The following SPATA20 variants were observed in gnomAD, a reference collection of about 807,000 sequenced individuals.
SPATA20 encodes the protein spermatogenesis-associated protein 20.
A neutral mutation model predicts 98.9 loss-of-function variants in SPATA20; 74 were observed. The ratio of observed to expected loss-of-function variants is 0.75; its 90% CI spans 0.62 to 0.91. The LOEUF (loss-of-function observed/expected upper bound fraction) is 0.91, where lower values mean the gene tolerates loss of function less well. Ranked by LOEUF, SPATA20 falls within the 40% of genes least tolerant of loss-of-function variation. SPATA20 has a pLI of 0.00. For missense variants in SPATA20, 1,016 were observed against 1,069.8 expected (o/e 0.95, Z 0.70); for synonymous variants, 430 against 440.5 (o/e 0.98, Z 0.30).
In SPATA20 at chr17:50,552,063, G is replaced by A. The variant is rs1334948399; in HGVS notation, c.1840G>A (p.Glu614Lys). 4.3e-6 allele frequency: 7 copies of A among 1,613,726 alleles called. No homozygotes were observed. The African/African-American group carries it at 5.3e-5, about 12-fold the overall frequency. ...YEASQESAWLEWALRLQDTQD... is the reference protein window; with the variant it reads ...YEASQESAWLKWALRLQDTQD... ...GGCCTCACAGGAGAGTGCGTGGCTC[G>A]AGTGGGCTCTGCGGCTGCAGGACAC... Residue 614 changes from glutamate (E) to lysine (K), a missense_variant, in exon 14 of 17, where the codon GAG (glutamate) becomes AAG (lysine). Coordinates refer to ENST00000006658, the MANE Select transcript of SPATA20 (RefSeq NM_022827.4).
In SPATA20 at chr17:50,555,848, G is replaced by A; in HGVS notation, c.*186G>A. On this transcript the variant is annotated 3_prime_UTR_variant, in exon 17 of 17. Transcript: ENST00000006658. ...TAGAATAAACTTAACAGTGTCCCGT[G>A]GTAACCTGAGGGCCTCAGCTTTGCT... is the stretch of plus-strand genomic sequence containing the variant. The A allele has an allele frequency of 1.9e-6, 1 of 537,118 alleles. No homozygotes were observed. Among genetic ancestry groups the A allele is most frequent in the Non-Finnish European group, 3.3e-6 (1 of 307,178 alleles). 33.3% of individuals were successfully genotyped at this position (537,118 alleles called of 1,614,324 possible).
rs770503335 is a variant in SPATA20, at chr17:50,548,641, T to C, written c.361+23T>C. 2.5e-6 allele frequency: 4 copies of C among 1,609,174 alleles called. 1 individual carries two copies. In the South Asian group the frequency reaches 3.3e-5, roughly 13 times the overall value. ...CAGGTAATGCTCCCACCTTCCCTGA[T>C]GTGGGGGTGTGGGCAGGGAGTGGCA... On this transcript the variant is annotated intron_variant, in intron 4 of 16. Coordinates refer to ENST00000006658, the MANE Select transcript of SPATA20 (RefSeq NM_022827.4).
intron 2 of SPATA20, 69 bp downstream of exon 2, chr17:50,547,836 G>T: frequency 1.1e-6 from 1 of 894,408 alleles, no homozygotes; most frequent in Admixed American, 1.7e-5. Flanking sequence ...TCGAGTCCCA[G>T]ACCCTACTGA....
chr17:50,551,703 G>A, intron 13 of SPATA20, 24 bp downstream of exon 13: 1 of 1,578,064 alleles, frequency 6.3e-7, no homozygotes, highest in Non-Finnish European at 8.7e-7. Flanking sequence ...TAGACCGGGA[G>A]GGCCCGTCTC....
Position 50,548,288 on chromosome 17 carries a change from G to C in SPATA20, c.131G>C (p.Ser44Thr). 2 of 1,613,272 alleles carry C rather than the reference G, an allele frequency of 1.2e-6. No homozygotes were observed. The highest frequency in any genetic ancestry group is 1.7e-6 in the Non-Finnish European group (2 of 1,179,752). Residue 44 changes from serine (S) to threonine (T), a missense_variant, in exon 3 of 17, where the codon AGC (serine) becomes ACC (threonine). By Grantham distance (58) the Ser-to-Thr change is moderately conservative. Transcript: ENST00000006658. ...TWPHRSPSRG[S>T]SSRDKDRSAT... ...GATGCACCAGTCCTCGCCAGGGGTA[G>C]CTCCTCCCGGGACAAGGACCGAAGT...
At position 50,548,793 on chromosome 17, in the gene SPATA20, C is replaced by T. The variant is rs1055194037; in HGVS notation, c.362-17C>T. 6.2e-7 allele frequency: 1 copy of T among 1,606,644 alleles called. No homozygotes were observed. The highest frequency in any genetic ancestry group is 1.3e-5 in the African/African-American group (1 of 74,860). On this transcript the variant is annotated splice_polypyrimidine_tract_variant and intron_variant, in intron 4 of 16. Transcript: ENST00000006658. ...CCCGTTGCTGGCCCCCTGACCTCTC[C>T]CCATGGCCCTGTTCAGTCGGGTACT...
In SPATA20 at chr17:50,549,298, A is replaced by G; in HGVS notation, c.673A>G (p.Lys225Glu). 5 of 1,612,000 alleles carry G rather than the reference A, an allele frequency of 3.1e-6. No homozygotes were observed. Among genetic ancestry groups the G allele is most frequent in the South Asian group, 1.1e-5 (1 of 91,064 alleles). The change falls in exon 7 of 17, where the codon AAG becomes GAG. Residue 225 changes from lysine to glutamate, a missense_variant. Physicochemically the swap from Lys to Glu is moderately conservative, Grantham distance 56. Transcript: ENST00000006658. Reference protein sequence around the residue: ...LRIREQWKQNKNTLLENSQRV... With the variant: ...LRIREQWKQNENTLLENSQRV... ...CCACCTCCCGCAGTGGAAACAGAACAAGAACACCCTGCTAGAAAATAGCCA... is the reference window on the plus strand; with the variant it reads ...CCACCTCCCGCAGTGGAAACAGAACGAGAACACCCTGCTAGAAAATAGCCA...
chr17:50,548,407 G>T lies in SPATA20; in HGVS notation c.250G>T (p.Glu84Ter). The T allele has an allele frequency of 6.2e-7, 1 of 1,614,024 alleles. No homozygotes were observed. The highest frequency in any genetic ancestry group is 1.1e-5 in the South Asian group (1 of 91,072). ...GAGGGTCCCCAACCGCCTGATCCAC[G>T]AGAAGTCACCATACCTCCTACAACA... ...PQRVPNRLIHEKSPYLLQHAY... is the reference protein window; with the variant it reads ...PQRVPNRLIH The change falls in exon 3 of 17, where the codon GAG (glutamate) becomes TAG (stop). Residue 84 changes from glutamate to a stop codon, truncating the protein, a stop_gained. Transcript: ENST00000006658. LOFTEE classifies it high-confidence loss of function.
At position 50,550,113 on chromosome 17, in the gene SPATA20, C is replaced by G. The variant is rs2144058812; in HGVS notation, c.991C>G (p.Gln331Glu). The G allele has an allele frequency of 6.2e-7, 1 of 1,612,948 alleles. No homozygotes were observed. The highest frequency in any genetic ancestry group is 1.1e-5 in the South Asian group (1 of 91,022). The stretch of plus-strand genomic sequence containing the variant: ...CGGGGGCATCCGGGACCATGTGGGG[C>G]AGGTGACGGGCACTGGGTGTTCCCT... ...ANGGIRDHVG[Q>E]GFHRYSTDRQ... Residue 331 changes from glutamine to glutamate, a missense_variant and splice_region_variant, in exon 8 of 17, where the codon CAG becomes GAG. Gln to Glu is a conservative substitution (Grantham distance 29). Coordinates refer to ENST00000006658, the MANE Select transcript of SPATA20 (RefSeq NM_022827.4).
chr17:50,551,905 C>T, intron 13 of SPATA20, 64 bp from the exon 14 acceptor site: 2 of 1,429,188 alleles, frequency 1.4e-6, no homozygotes, highest in South Asian at 1.3e-5. Flanking sequence ...GAAAGGGCCT[C>T]CTCTGGGAAA....
Position 50,548,388 on chromosome 17 carries a change from C to T in SPATA20, c.231C>T (p.Val77=), listed in dbSNP as rs766195293. The change falls in exon 3 of 17, where the codon GTC becomes GTT. Residue 77 remains valine (V), a synonymous_variant. Coordinates refer to ENST00000006658, the MANE Select transcript of SPATA20 (RefSeq NM_022827.4). ...ATCCTTCATCTACACCCCAGAGGGT[C>T]CCCAACCGCCTGATCCACGAGAAGT... ...GSHPSSTPQR[V]PNRLIHEKSP... 6.2e-7 allele frequency: 1 copy of T among 1,614,000 alleles called. No individual in the cohort carries two copies. The highest frequency in any genetic ancestry group is 8.5e-7 in the Non-Finnish European group (1 of 1,179,972).
In SPATA20 at chr17:50,548,822, C is replaced by G. The variant is rs1348430727; in HGVS notation, c.374C>G (p.Thr125Ser). The part of the protein sequence containing the change: ...KPIFLSVGYS[T>S]CHWCHMMEEE... ...TGGCCCTGTTCAGTCGGGTACTCCA[C>G]CTGCCACTGGTGCCACATGATGGAA... The change falls in exon 5 of 17, where the codon ACC becomes AGC. Residue 125 changes from threonine to serine, a missense_variant. Physicochemically the swap from Thr to Ser is moderately conservative, Grantham distance 58. Transcript: ENST00000006658. The G allele has an allele frequency of 6.2e-7, 1 of 1,613,288 alleles. No homozygotes were observed. Among genetic ancestry groups the G allele is most frequent in the African/African-American group, 1.3e-5 (1 of 74,928 alleles).
At chr17:50,554,885 C>CTGTGTGTG (rs3062812) in intron 15 of SPATA20, among the ~76,000 whole-genome samples, 120 of 141,536 alleles carry the variant, frequency 8.5e-4, no homozygotes, top group African/African-American at 1.8e-3. Context: ...TGGGCATCTA[C>CTGTGTGTG]TGTGTGTGTG....
intron 14 of SPATA20, among the ~76,000 whole-genome samples, chr17:50,553,494 C>A (rs890967145): frequency 2.0e-5 from 3 of 151,634 alleles, no homozygotes; most frequent in Non-Finnish European, 4.4e-5. Context: ...GGAGGACAGG[C>A]AGGGCCCGCG....
rs1397470897 is a variant in SPATA20 at position 50,555,687 on chromosome 17, G to T, written c.*25G>T. Reference sequence around the variant, plus strand: ...ACTGCCCCAACCCCCTTGGGGTGGGGCAGAAGGTGAAGCATCCCAACTGAC... The same window carrying T: ...ACTGCCCCAACCCCCTTGGGGTGGGTCAGAAGGTGAAGCATCCCAACTGAC... On this transcript the variant is annotated 3_prime_UTR_variant, in exon 17 of 17. Transcript: ENST00000006658. 1.2e-6 allele frequency: 2 copies of T among 1,600,098 alleles called. No homozygotes were observed. The highest frequency in any genetic ancestry group is 1.7e-6 in the Non-Finnish European group (2 of 1,173,694).
At chr17:50,548,684 C>T in intron 4 of SPATA20, 66 bp downstream of exon 4, 2 of 1,594,080 alleles carry the variant, frequency 1.3e-6, no homozygotes, top group South Asian at 1.1e-5. Flanking sequence ...GGGGAGGGTC[C>T]TCTCGGCCTG....
In SPATA20 at chr17:50,554,410, T is replaced by C. The variant is rs749708712; in HGVS notation, c.2117T>C (p.Met706Thr). ...CGTGTCCCGGTGGCGTTGCCCGAGA[T>C]GGTCCGCGCCCTCTCAGCCCAGCAG... ...MRRVPVALPE[M>T]VRALSAQQQT... is the part of the protein sequence containing the mutation. Residue 706 changes from methionine (M) to threonine (T), a missense_variant, in exon 15 of 17, where the codon ATG (methionine) becomes ACG (threonine). Physicochemically the swap from Met to Thr is moderately conservative, Grantham distance 81. Coordinates refer to ENST00000006658, the MANE Select transcript of SPATA20 (RefSeq NM_022827.4). 1.2e-6 allele frequency: 2 copies of C among 1,613,404 alleles called. No individual in the cohort carries two copies. The highest frequency in any genetic ancestry group is 2.2e-5 in the South Asian group (2 of 91,068).
At chr17:50,553,113 C>T (rs983106239) in intron 14 of SPATA20, among the ~76,000 whole-genome samples, 5 of 152,200 alleles carry the variant, frequency 3.3e-5, no homozygotes, top group African/African-American at 7.2e-5. Flanking sequence ...AGAAGTAGGA[C>T]GCTCTATGTG....
chr17:50,551,869 C>G, intron 13 of SPATA20, 100 bp from the exon 14 acceptor site: 1 of 1,269,716 alleles, frequency 7.9e-7, no homozygotes, highest in Non-Finnish European at 1.1e-6. Context: ...GAGGGTTCAT[C>G]TGGAGGGTTA....
Sources: gnomAD v4.1 joint callset for allele counts (sites outside exome capture counted in the v4.1 genomes callset) on GRCh38, gnomAD v4.1.1 for gene constraint, MANE v1.5 for transcripts, NCBI Gene and HGNC (gene_info 2026-07-23, HGNC 2026-07-21) for gene names.